HTT: variants seen among roughly 807,000 people sequenced by gnomAD.
HTT encodes the protein huntington disease protein.
Under a neutral mutation model 362.3 loss-of-function variants are expected in HTT, and 104 were observed. The observed-to-expected ratio is 0.29, with a 90% CI of 0.24 to 0.34. The LOEUF is 0.34. HTT is among the 10% of genes least tolerant of loss of function. HTT has a pLI of 1.00. For synonymous variants in HTT, 1,577 were observed against 1,548.7 expected (o/e 1.02, Z -0.43); for missense variants, 3,301 against 3,928.6 (o/e 0.84, Z 4.27).
rs537147655 is a variant in HTT at position 3,106,480 on chromosome 4, A to G, written c.609-805A>G. On this transcript the variant is annotated intron_variant, in intron 5 of 66. Transcript: ENST00000355072. Reference sequence around the variant, plus strand: ...AAAAATGTGTTATATTTCTGAAGCAACACATCCAGGTTCTGCACATAGCAG... The same window carrying G: ...AAAAATGTGTTATATTTCTGAAGCAGCACATCCAGGTTCTGCACATAGCAG... 5.9e-5 allele frequency among the ~76,000 whole-genome samples: 9 copies of G among 152,360 alleles called. No homozygotes were observed. In the East Asian group the frequency reaches 1.5e-3, roughly 26 times the overall value.
At chr4:3,156,283 C>G (rs562775877) in intron 27 of HTT, among the ~76,000 whole-genome samples, 50 of 151,952 alleles carry the variant, frequency 3.3e-4, no homozygotes, top group Admixed American at 2.0e-3. Context: ...CTGCACCTGG[C>G]TAATTTTTGT....
At chr4:3,094,364 T>G (rs1212033892) in intron 2 of HTT, among the ~76,000 whole-genome samples, 1 of 152,214 alleles carries the variant, frequency 6.6e-6, no homozygotes, top group Non-Finnish European at 1.5e-5. Flanking sequence ...TTTTCCCACA[T>G]TTCCTCCTTT....
At chr4:3,191,854 CAA>C (rs2110253182) in intron 40 of HTT, among the ~76,000 whole-genome samples, 1 of 152,232 alleles carries the variant, frequency 6.6e-6, no homozygotes, top group East Asian at 1.9e-4. Context: ...TAAATCATGA[CAA>C]ATTATGATGT....
chr4:3,156,072 T>A (rs141176009), intron 27 of HTT, among the ~76,000 whole-genome samples: 41 of 152,326 alleles, frequency 2.7e-4, no homozygotes, highest in Non-Finnish European at 5.0e-4. Flanking sequence ...ACAGTAGATC[T>A]CTTGAACTCA....
rs201301428 is a variant in HTT, at chr4:3,223,971, T to G, written c.7626-21T>G. The G allele has an allele frequency of 1.8e-4, 297 of 1,613,566 alleles. 1 individual carries two copies. The highest frequency in any genetic ancestry group is 2.4e-4 in the Non-Finnish European group (280 of 1,179,566). On this transcript the variant is annotated intron_variant, in intron 55 of 66. Coordinates refer to ENST00000355072, the MANE Select transcript of HTT (RefSeq NM_001388492.1). The stretch of plus-strand genomic sequence containing the variant: ...ATTTTGAAGGAAACAAAACACTCTT[T>G]ACCTTTTTTCTAAAATGTAGGTTTG...
intron 53 of HTT, 47 bp downstream of exon 53, chr4:3,220,355 C>G: frequency 6.3e-7 from 1 of 1,588,606 alleles, no homozygotes; most frequent in Non-Finnish European, 8.6e-7. Flanking sequence ...GGACATCTAC[C>G]GGGAGGAAAT....
chr4:3,162,858 AT>A (rs1717512827), intron 29 of HTT, among the ~76,000 whole-genome samples: 1 of 152,236 alleles, frequency 6.6e-6, no homozygotes, highest in African/African-American at 2.4e-5. Flanking sequence ...ATATACAATC[AT>A]GTCATCTGCA....
Position 3,124,399 on chromosome 4 carries a change from C to A in HTT, c.1322-1150C>A, listed in dbSNP as rs547514957. 2.6e-5 allele frequency among the ~76,000 whole-genome samples: 4 copies of A among 152,276 alleles called. No homozygotes were observed. The South Asian group carries it at 8.3e-4, about 32-fold the overall frequency. Reference sequence around the variant, plus strand: ...CCATTGAGAGCTGTGTCTTCAAACTCTTCTGTTATAGCTGGAAAATCCTTT... The same window carrying A: ...CCATTGAGAGCTGTGTCTTCAAACTATTCTGTTATAGCTGGAAAATCCTTT... On this transcript the variant is annotated intron_variant, in intron 10 of 66. Coordinates refer to ENST00000355072, the MANE Select transcript of HTT (RefSeq NM_001388492.1).
At chr4:3,130,932 C>T (rs1483939675) in intron 14 of HTT, among the ~76,000 whole-genome samples, 2 of 152,272 alleles carry the variant, frequency 1.3e-5, no homozygotes, top group Middle Eastern at 3.4e-3. Context: ...AGGCTGTTGC[C>T]TTTCCCCAAG....
chr4:3,233,625 A>C, intron 61 of HTT, among the ~76,000 whole-genome samples: 1 of 151,708 alleles, frequency 6.6e-6, no homozygotes, highest in African/African-American at 2.4e-5. Context: ...CCCATTCCTG[A>C]CTCTGCTCTC....
intron 21 of HTT, among the ~76,000 whole-genome samples, 199 bp downstream of exon 21, chr4:3,136,525 C>G (rs1482761984): frequency 6.6e-6 from 1 of 151,576 alleles, no homozygotes; most frequent in Non-Finnish European, 1.5e-5. Context: ...CAACAAAATA[C>G]TAACTGTCCA....
At chr4:3,233,981 G>A (rs11940964) in intron 61 of HTT, among the ~76,000 whole-genome samples, 116 of 152,226 alleles carry the variant, frequency 7.6e-4, no homozygotes, top group Non-Finnish European at 1.1e-3. Flanking sequence ...TTCTGCACAC[G>A]GGAGCTGTCT....
chr4:3,233,316 A>G lies in HTT; in HGVS notation c.8419A>G (p.Ser2807Gly), dbSNP rs774148552. ...DTAKQLIPVI[S>G]DYLLSNLKGI... is the part of the protein sequence containing the mutation. ...TGCCAAGCAGCTCATCCCGGTCATC[A>G]GCGACTATCTCCTCTCCAACCTGAA... The change falls in exon 61 of 67, where the codon AGC (serine) becomes GGC (glycine). Residue 2807 changes from serine (S) to glycine (G), a missense_variant. Around this residue, in one of 4 missense-constraint regions of HTT, gnomAD observed 753 missense variants for 1,021.3 expected, o/e 0.74. Transcript: ENST00000355072. 5 of 1,608,348 alleles carry G rather than the reference A, an allele frequency of 3.1e-6. No individual in the cohort carries two copies. The highest frequency in any genetic ancestry group is 3.4e-6 in the Non-Finnish European group (4 of 1,175,904).
At chr4:3,176,851 A>T (rs1447320123) in intron 33 of HTT, among the ~76,000 whole-genome samples, 1 of 152,224 alleles carries the variant, frequency 6.6e-6, no homozygotes, top group African/African-American at 2.4e-5. Context: ...TGCTTTATCC[A>T]TGGAAGCTCC....
intron 6 of HTT, among the ~76,000 whole-genome samples, chr4:3,112,212 C>T (rs1421640715): frequency 1.3e-5 from 2 of 152,224 alleles, no homozygotes; most frequent in Admixed American, 6.5e-5. Context: ...CTCCCACCCT[C>T]TGGTTTATTC....
chr4:3,082,182 T>C (rs1712948139), intron 1 of HTT, among the ~76,000 whole-genome samples: 1 of 152,234 alleles, frequency 6.6e-6, no homozygotes, highest in Non-Finnish European at 1.5e-5. Flanking sequence ...TTCTTATTAA[T>C]TGCTATGTAA....
Position 3,146,185 on chromosome 4 carries a change from C to A in HTT, c.3144-612C>A. On this transcript the variant is annotated intron_variant, in intron 24 of 66. Coordinates refer to ENST00000355072, the MANE Select transcript of HTT (RefSeq NM_001388492.1). ...ATGTTCTCTTAATGCTCAGTCAGCA[C>A]CTCAGGTGGTTGGAGTTCAATGCTT... Among the ~76,000 whole-genome samples the A allele has an allele frequency of 1.3e-5, 2 of 152,172 alleles. 1 individual carries two copies.
chr4:3,178,075 G>A (rs1718317765), intron 34 of HTT, among the ~76,000 whole-genome samples: 1 of 152,204 alleles, frequency 6.6e-6, no homozygotes, highest in African/African-American at 2.4e-5. Context: ...GCCGTCGGGT[G>A]CCTTCTACCT....
intron 39 of HTT, chr4:3,188,201 G>C (rs932899452): frequency 8.6e-6 from 2 of 232,280 alleles, no homozygotes; most frequent in African/African-American, 4.6e-5. Flanking sequence ...CGTCAGGGAA[G>C]TTGAAACCCA....
Sources: allele counts gnomAD v4.1 joint callset (sites outside exome capture counted in the v4.1 genomes callset), GRCh38; gene constraint gnomAD v4.1.1; regional missense constraint gnomAD v4.1.1; transcripts MANE v1.5; gene names NCBI Gene and HGNC (gene_info 2026-07-23, HGNC 2026-07-21).